The following AKT3 variants were observed in gnomAD, a reference collection of about 807,000 sequenced individuals.
The protein encoded by AKT3 is AKT serine/threonine kinase 3, also known as RAC-gamma serine/threonine-protein kinase.
A neutral mutation model predicts 65.3 loss-of-function variants in AKT3; 15 were observed. The ratio of observed to expected loss-of-function variants is 0.23; its 90% CI spans 0.15 to 0.35. The LOEUF is 0.35. Among genes scored for constraint, AKT3 ranks in the 10% least tolerant of loss-of-function variants. The probability of loss-of-function intolerance (pLI) is 1.00; values close to 1 mark genes in which losing one functional copy is unlikely to be tolerated. For synonymous variants in AKT3, 206 were observed against 183.8 expected, an observed-to-expected ratio of 1.12 and a Z score of -0.98; for missense variants, 243 against 576.5, an observed-to-expected ratio of 0.42 and a Z score of 5.92.
chr1:243,679,191 T>A (rs938822962), intron 3 of AKT3, among the ~76,000 whole-genome samples: 1 of 152,202 alleles, frequency 6.6e-6, no homozygotes, highest in Non-Finnish European at 1.5e-5. Context: ...AAAATATGTA[T>A]CAATTAACTG....
chr1:243,640,921 A>G (rs145515242), intron 5 of AKT3, among the ~76,000 whole-genome samples: 1,540 of 152,242 alleles, frequency 0.01, 20 homozygotes, highest in African/African-American at 0.035. Context: ...TCCTGGGTGT[A>G]TCTGTGAGGG....
intron 8 of AKT3, among the ~76,000 whole-genome samples, chr1:243,603,021 T>G (rs1677123931): frequency 6.6e-6 from 1 of 152,164 alleles, no homozygotes; most frequent in Non-Finnish European, 1.5e-5. Flanking sequence ...CAAAAACACC[T>G]CCTTAGTCAA....
chr1:243,561,724 G>A (rs1673797658), intron 10 of AKT3, among the ~76,000 whole-genome samples: 1 of 152,152 alleles, frequency 6.6e-6, no homozygotes, highest in African/African-American at 2.4e-5. Flanking sequence ...AGTTTGAGGG[G>A]AAATGGAGCA....
At chr1:243,667,152 G>C (rs989934202) in intron 3 of AKT3, among the ~76,000 whole-genome samples, 5 of 152,188 alleles carry the variant, frequency 3.3e-5, no homozygotes, top group African/African-American at 7.2e-5. Flanking sequence ...ATGAACTACT[G>C]TAAGTGGGAG....
chr1:243,784,498 G>C (rs1691122287), intron 2 of AKT3, among the ~76,000 whole-genome samples: 1 of 151,224 alleles, frequency 6.6e-6, no homozygotes, highest in Non-Finnish European at 1.5e-5. Flanking sequence ...TTCAGAATAA[G>C]AAAGGAAACG....
At chr1:243,820,357 A>G (rs1258916655) in intron 2 of AKT3, among the ~76,000 whole-genome samples, 2 of 152,184 alleles carry the variant, frequency 1.3e-5, no homozygotes, top group Admixed American at 6.5e-5. Flanking sequence ...AGAATCAACG[A>G]AAAAAACATT....
intron 6 of AKT3, among the ~76,000 whole-genome samples, chr1:243,633,357 A>C (rs563201854): frequency 6.6e-6 from 1 of 152,288 alleles, no homozygotes; most frequent in East Asian, 1.9e-4. Context: ...AAAAAATATA[A>C]AAGCTAGTAT....
intron 2 of AKT3, among the ~76,000 whole-genome samples, chr1:243,744,905 T>C (rs1688386553): frequency 1.3e-5 from 2 of 152,146 alleles, no homozygotes; most frequent in Non-Finnish European, 2.9e-5. Context: ...TTGTGATCAC[T>C]GTATTCATGA....
At chr1:243,837,890 A>G (rs967047165) in intron 2 of AKT3, among the ~76,000 whole-genome samples, 6 of 152,236 alleles carry the variant, frequency 3.9e-5, no homozygotes, top group Non-Finnish European at 8.8e-5. Flanking sequence ...TATCCAGTGA[A>G]ATATGATCAG....
intron 4 of AKT3, among the ~76,000 whole-genome samples, chr1:243,650,317 G>A (rs1681209862): frequency 6.6e-6 from 1 of 152,282 alleles, no homozygotes; most frequent in Non-Finnish European, 1.5e-5. Context: ...CCCTTTGTCA[G>A]ACGAATAGAT....
intron 4 of AKT3, among the ~76,000 whole-genome samples, chr1:243,658,475 G>A (rs1286490755): frequency 6.6e-6 from 1 of 152,140 alleles, no homozygotes; most frequent in African/African-American, 2.4e-5. Flanking sequence ...ATAAGTAAGT[G>A]TCAGCAAGGA....
chr1:243,735,222 T>C (rs922164624), intron 2 of AKT3: 10 of 152,246 alleles, frequency 6.6e-5, no homozygotes, highest in Admixed American at 6.5e-4. Flanking sequence ...TCAAGTACTA[T>C]GTACTGTATA....
intron 10 of AKT3, among the ~76,000 whole-genome samples, chr1:243,556,904 T>C (rs886427845): frequency 6.6e-6 from 1 of 152,086 alleles, no homozygotes; most frequent in Non-Finnish European, 1.5e-5. Context: ...AATTCTACAG[T>C]TGCTTGGTAT....
intron 4 of AKT3, among the ~76,000 whole-genome samples, chr1:243,657,535 C>T (rs1000743846): frequency 6.6e-6 from 1 of 151,986 alleles, no homozygotes; most frequent in African/African-American, 2.4e-5. Flanking sequence ...TGTTCATGCA[C>T]TGAAAGGTTT....
chr1:243,671,830 C>T (rs1414633857), intron 3 of AKT3, among the ~76,000 whole-genome samples: 1 of 152,222 alleles, frequency 6.6e-6, no homozygotes, highest in African/African-American at 2.4e-5. Flanking sequence ...TGCCCCAAAA[C>T]ACACAACTGT....
chr1:243,757,479 G>A lies in AKT3; in HGVS notation c.47-61763C>T, dbSNP rs575759487. ...CTAAAAATACAAAAATTAGCTGGGC[G>A]TGGTATCAGGTGCCTGTAATCCCTG... On this transcript the variant is annotated intron_variant, in intron 2 of 13. Transcript: ENST00000673466. Among the ~76,000 whole-genome samples, 532 of 152,148 alleles carry A rather than the reference G, an allele frequency of 3.5e-3. 2 individuals carry two copies. Among genetic ancestry groups the A allele is most frequent in the African/African-American group, 0.012 (513 of 41,490 alleles).
intron 6 of AKT3, among the ~76,000 whole-genome samples, chr1:243,625,369 G>C (rs1011482001): frequency 6.6e-6 from 1 of 152,048 alleles, no homozygotes; most frequent in Non-Finnish European, 1.5e-5. Flanking sequence ...CTGGCCTCAA[G>C]TGATCTGCCC....
At chr1:243,525,330 A>G (rs538104534) in intron 12 of AKT3, among the ~76,000 whole-genome samples, 8 of 152,160 alleles carry the variant, frequency 5.3e-5, no homozygotes, top group Non-Finnish European at 1.2e-4. Context: ...AATACCAGTC[A>G]CAATGCCCAG....
chr1:243,584,020 G>C (rs1675612471), intron 8 of AKT3, among the ~76,000 whole-genome samples: 1 of 152,060 alleles, frequency 6.6e-6, no homozygotes, highest in African/African-American at 2.4e-5. Context: ...ATAATGAAAT[G>C]ATGAAGCCAA....
Sources: gnomAD v4.1 joint callset for allele counts (sites outside exome capture counted in the v4.1 genomes callset) on GRCh38, gnomAD v4.1.1 for gene constraint, MANE v1.5 for transcripts, NCBI Gene and HGNC (gene_info 2026-07-23, HGNC 2026-07-21) for gene names.